The following LARGE1 variants were observed in gnomAD, a reference collection of about 807,000 sequenced individuals.
LARGE1 encodes LARGE xylosyl- and glucuronyltransferase 1, also known as xylosyl- and glucuronyltransferase LARGE1.
A neutral mutation model predicts 87.6 loss-of-function variants in LARGE1; 43 were observed. The observed-to-expected ratio is 0.49, with a 90% CI of 0.38 to 0.63. LARGE1 has a LOEUF of 0.63. LARGE1 is among the 30% of genes least tolerant of loss of function. The pLI is 0.00. For synonymous variants in LARGE1, 434 were observed against 394.6 expected, an observed-to-expected ratio of 1.10 and a Z score of -1.18; for missense variants, 802 against 1,000.2, an observed-to-expected ratio of 0.80 and a Z score of 2.67.
chr22:33,829,006 CTTTTTTTT>C (rs776583343), intron 1 of LARGE1, among the ~76,000 whole-genome samples: 5 of 94,800 alleles, frequency 5.3e-5, no homozygotes, highest in African/African-American at 7.5e-5. Context: ...GTCTCTTTTT[CTTTTTTTT>C]TTTTTTTTTT....
At chr22:33,298,373 C>T (rs1933651623) in intron 12 of LARGE1, among the ~76,000 whole-genome samples, 1 of 152,252 alleles carries the variant, frequency 6.6e-6, no homozygotes, top group Non-Finnish European at 1.5e-5. Flanking sequence ...ATGTTTCGGG[C>T]ATTCCTGGGT....
chr22:33,595,535 A>C (rs910507536), intron 5 of LARGE1, among the ~76,000 whole-genome samples: 1 of 152,204 alleles, frequency 6.6e-6, no homozygotes, highest in African/African-American at 2.4e-5. Flanking sequence ...TTTATTCCAC[A>C]AGCAGGTCAG....
chr22:33,267,624 G>A (rs915124756), downstream of LARGE1, among the ~76,000 whole-genome samples: 2 of 150,684 alleles, frequency 1.3e-5, no homozygotes, highest in Non-Finnish European at 2.9e-5. Flanking sequence ...CAGTACCCAG[G>A]GACCACCAAG....
At chr22:33,488,542 C>T (rs1304187093) in intron 6 of LARGE1, among the ~76,000 whole-genome samples, 1 of 152,142 alleles carries the variant, frequency 6.6e-6, no homozygotes, top group Non-Finnish European at 1.5e-5. Flanking sequence ...GATGGTTTTA[C>T]AGGACAGCTT....
intron 5 of LARGE1, among the ~76,000 whole-genome samples, chr22:33,593,138 CT>C (rs933887756): frequency 4.8e-5 from 7 of 146,790 alleles, no homozygotes; most frequent in Non-Finnish European, 1.5e-5. Flanking sequence ...AGCGCCCAGC[CT>C]TTTTTCTGTT....
rs149650085 is a variant in LARGE1 at position 33,919,783 on chromosome 22, G to A, written c.-83+212C>T. Among the ~76,000 whole-genome samples the A allele has an allele frequency of 1.6e-3, 247 of 152,324 alleles. 1 individual carries two copies. Among genetic ancestry groups the A allele is most frequent in the African/African-American group, 5.6e-3 (233 of 41,586 alleles). On this transcript the variant is annotated intron_variant, in intron 1 of 14. Transcript: ENST00000397394. ...CCAGCAGCCTGTGTGCCCAGAAGCC[G>A]AGCAGGCCCTGAGGGGGTCCTGGGG...
intron 11 of LARGE1, among the ~76,000 whole-genome samples, chr22:33,238,306 AAT>A (rs1051978922): frequency 6.6e-6 from 1 of 152,210 alleles, no homozygotes; most frequent in Non-Finnish European, 1.5e-5. Context: ...TAGAGGATAA[AAT>A]AGAGTGTCTG....
intron 9 of LARGE1, among the ~76,000 whole-genome samples, chr22:33,346,306 T>C (rs1479864456): frequency 1.3e-5 from 2 of 151,572 alleles, no homozygotes; most frequent in Admixed American, 6.6e-5. Flanking sequence ...TTCTTCTTTT[T>C]CTTTTTTTTT....
chr22:33,751,315 T>C (rs2084306436), intron 2 of LARGE1, among the ~76,000 whole-genome samples: 1 of 152,158 alleles, frequency 6.6e-6, no homozygotes, highest in South Asian at 2.1e-4. Context: ...ACCCCATCTC[T>C]ACTAAAAATA....
At chr22:33,820,971 C>T (rs553233171) in intron 1 of LARGE1, among the ~76,000 whole-genome samples, 22 of 152,248 alleles carry the variant, frequency 1.4e-4, no homozygotes, top group East Asian at 7.7e-4. Context: ...TACATTTACT[C>T]GTCAGTTTCA....
At chr22:33,741,602 C>T (rs78716535) in intron 2 of LARGE1, among the ~76,000 whole-genome samples, 8,736 of 152,254 alleles carry the variant, frequency 0.057, 280 homozygotes, top group Non-Finnish European at 0.081. Flanking sequence ...CTTGGAGTTG[C>T]GAGAAGAGCA....
chr22:33,714,090 G>C (rs2082840167), intron 2 of LARGE1, among the ~76,000 whole-genome samples: 1 of 151,930 alleles, frequency 6.6e-6, no homozygotes, highest in South Asian at 2.1e-4. Context: ...CTGGAAACTG[G>C]TCCATGCAGA....
At chr22:33,849,104 C>G (rs2253063) in intron 1 of LARGE1, among the ~76,000 whole-genome samples, 26,105 of 152,114 alleles carry the variant, frequency 0.17, 2,920 homozygotes, top group East Asian at 0.41. Context: ...CAGGATAAAT[C>G]CTCTCTGTTC....
chr22:33,747,754 T>C (rs543092396), intron 2 of LARGE1: 2 of 152,174 alleles, frequency 1.3e-5, no homozygotes, highest in South Asian at 4.1e-4. Context: ...CCTGACTGTG[T>C]GTGCGGAATG....
intron 1 of LARGE1, among the ~76,000 whole-genome samples, chr22:33,904,862 C>G (rs945688561): frequency 6.6e-6 from 1 of 151,826 alleles, no homozygotes. Context: ...ATCCTGAAAC[C>G]CAACAGAATT....
intron 1 of LARGE1, among the ~76,000 whole-genome samples, chr22:33,885,847 A>G (rs1013156699): frequency 2.0e-5 from 3 of 152,162 alleles, no homozygotes; most frequent in Non-Finnish European, 4.4e-5. Flanking sequence ...CCTGGCCAAC[A>G]TGGCAAAACC....
intron 11 of LARGE1, among the ~76,000 whole-genome samples, chr22:33,228,832 G>T (rs1925862567): frequency 6.6e-6 from 1 of 152,088 alleles, no homozygotes; most frequent in Non-Finnish European, 1.5e-5. Context: ...GATTTGGCCT[G>T]GGGAGGTGAG....
At chr22:33,075,212 G>A in the LARGE1 span, among the ~76,000 whole-genome samples, 21 of 152,196 alleles carry the variant, frequency 1.4e-4, no homozygotes, top group African/African-American at 5.1e-4. Context: ...TAAAGTCTTG[G>A]TAGGGAGGGA....
intron 3 of LARGE1, among the ~76,000 whole-genome samples, chr22:33,641,327 A>C (rs146855681): frequency 0.042 from 6,464 of 152,278 alleles, 453 homozygotes; most frequent in African/African-American, 0.15. Context: ...AAACTAACAA[A>C]CATAAAGCAA....
Sources: gnomAD v4.1 joint callset for allele counts (sites outside exome capture counted in the v4.1 genomes callset) on GRCh38, gnomAD v4.1.1 for gene constraint, MANE v1.5 for transcripts, NCBI Gene and HGNC (gene_info 2026-07-23, HGNC 2026-07-21) for gene names.